Variants in ATL2 observed in about 807,000 individuals in gnomAD.
ATL2 encodes atlastin GTPase 2.
ATL2 carries 31 observed loss-of-function variants against 73.9 expected under a neutral mutation model. The ratio of observed to expected loss-of-function variants is 0.42; its 90% CI spans 0.32 to 0.57. The LOEUF (loss-of-function observed/expected upper bound fraction) is 0.57, where lower values mean the gene tolerates loss of function less well. Ranked by LOEUF, ATL2 falls within the 20% of genes least tolerant of loss-of-function variation. The probability of loss-of-function intolerance (pLI) is 0.14; values close to 1 mark genes in which losing one functional copy is unlikely to be tolerated. For missense variants in ATL2, 738 were observed against 702.6 expected (o/e 1.05, Z -0.57); for synonymous variants, 291 against 237.5 (o/e 1.23, Z -2.07).
chr2:38,373,716 G>A (rs1025313582), intron 1 of ATL2, among the ~76,000 whole-genome samples: 4 of 152,128 alleles, frequency 2.6e-5, no homozygotes, highest in Non-Finnish European at 5.9e-5. Flanking sequence ...CCATAACTTG[G>A]AAAATCATCT....
intron 8 of ATL2, 34 bp from the exon 9 acceptor site, chr2:38,309,540 C>CA (rs751538561): frequency 6.9e-6 from 11 of 1,583,950 alleles, no homozygotes; most frequent in East Asian, 2.3e-5. Context: ...CATATTAGTC[C>CA]AAAAAAAATT....
chr2:38,347,716 G>C (rs1346727443), intron 1 of ATL2, among the ~76,000 whole-genome samples: 1 of 150,448 alleles, frequency 6.6e-6, no homozygotes, highest in East Asian at 2.0e-4. Context: ...AATATTTCCT[G>C]AATGAATGAA....
At chr2:38,325,292 C>T (rs1002240146) in intron 2 of ATL2, among the ~76,000 whole-genome samples, 1 of 152,092 alleles carries the variant, frequency 6.6e-6, no homozygotes, top group Admixed American at 6.6e-5. Context: ...ACAGGTCAAA[C>T]CATCCCTGCA....
intron 1 of ATL2, chr2:38,376,321 C>A (rs891680718): frequency 1.6e-6 from 2 of 1,214,286 alleles, no homozygotes; most frequent in Non-Finnish European, 2.2e-6. Flanking sequence ...GGGGCAGGGG[C>A]GCTCCTGGTA....
chr2:38,366,644 A>G (rs1174517474), intron 1 of ATL2, among the ~76,000 whole-genome samples: 1 of 152,202 alleles, frequency 6.6e-6, no homozygotes, highest in Non-Finnish European at 1.5e-5. Flanking sequence ...GCACACGGCA[A>G]TTTCTACTTC....
In ATL2 at chr2:38,295,922, T is replaced by C; in HGVS notation, c.*72A>G. On this transcript the variant is annotated 3_prime_UTR_variant, in exon 13 of 13. Transcript: ENST00000378954. ...ACAGTTGATTGTAAACTTTGGTTTATTTTTATTTGAGTTCTCATTGTACAG... is the reference window on the plus strand; with the variant it reads ...ACAGTTGATTGTAAACTTTGGTTTACTTTTATTTGAGTTCTCATTGTACAG... 6 of 1,316,956 alleles carry C rather than the reference T, an allele frequency of 4.6e-6. No homozygotes were observed. The South Asian group carries it at 8.3e-5, about 18-fold the overall frequency. The allele number at this position is 1,316,956 out of a possible 1,614,324, so 81.6% of individuals were successfully genotyped here.
rs149953632 is a variant in ATL2 at position 38,336,450 on chromosome 2, T to A, written c.363+6818A>T. On this transcript the variant is annotated intron_variant, in intron 2 of 12. Transcript: ENST00000378954. The stretch of plus-strand genomic sequence containing the variant: ...AATACAGCAAGGATCCTTTATTTAT[T>A]GAGCTTAGATACCAGTGCATAGCAA... 9.1e-3 allele frequency among the ~76,000 whole-genome samples: 1,386 copies of A among 152,336 alleles called. 14 individuals carry two copies. Among genetic ancestry groups the A allele is most frequent in the Non-Finnish European group, 0.014 (935 of 68,018 alleles).
chr2:38,317,460 C>T (rs1053501653), intron 4 of ATL2, among the ~76,000 whole-genome samples: 2 of 151,952 alleles, frequency 1.3e-5, no homozygotes, highest in African/African-American at 4.8e-5. Flanking sequence ...AAACTAGAAC[C>T]GGATAGAACA....
At position 38,335,671 on chromosome 2, in the gene ATL2, T is replaced by C. The variant is rs939512161; in HGVS notation, c.363+7597A>G. On this transcript the variant is annotated intron_variant, in intron 2 of 12. Coordinates refer to ENST00000378954, the MANE Select transcript of ATL2 (RefSeq NM_001135673.4). ...TTGTTCTGAGAGACAGTGGTTACTA[T>C]AACATATATATATATAAAAATGCAC... Among the ~76,000 whole-genome samples, 6 of 145,914 alleles carry C rather than the reference T, an allele frequency of 4.1e-5. No homozygotes were observed. In the South Asian group the frequency reaches 1.2e-3, roughly 30 times the overall value.
At chr2:38,341,666 C>A (rs11679270) in intron 2 of ATL2, among the ~76,000 whole-genome samples, 66,129 of 151,950 alleles carry the variant, frequency 0.44, 17,194 homozygotes, top group African/African-American at 0.74. Flanking sequence ...ATCAATGAGA[C>A]AAACTTTAAA....
At chr2:38,345,918 T>C (rs897605723) in intron 1 of ATL2, among the ~76,000 whole-genome samples, 2 of 152,224 alleles carry the variant, frequency 1.3e-5, no homozygotes, top group East Asian at 1.9e-4. Flanking sequence ...CAGGATTCAA[T>C]GAGTTGAAAT....
chr2:38,329,406 G>C (rs1429877259), intron 2 of ATL2, among the ~76,000 whole-genome samples: 3 of 83,022 alleles, frequency 3.6e-5, no homozygotes, highest in Non-Finnish European at 6.5e-5. Flanking sequence ...CTAGGAGACA[G>C]AGCAAGACTC....
intron 1 of ATL2, among the ~76,000 whole-genome samples, chr2:38,362,791 A>T (rs988326276): frequency 6.6e-6 from 1 of 152,236 alleles, no homozygotes; most frequent in Non-Finnish European, 1.5e-5. Flanking sequence ...GTGTGATGTC[A>T]GCTAGTGTTA....
At chr2:38,377,534 TGTCCCTGCCGCCGCC>T (rs1189656571), upstream of ATL2, among the ~76,000 whole-genome samples, 1 of 145,152 alleles carries the variant, frequency 6.9e-6, no homozygotes, top group Non-Finnish European at 1.5e-5. Context: ...GGGGCGGGGG[TGTCCCTGCCGCCGCC>T]GTCTCACACC....
chr2:38,352,752 C>A (rs967310317), intron 1 of ATL2, among the ~76,000 whole-genome samples: 2 of 152,174 alleles, frequency 1.3e-5, no homozygotes, highest in Non-Finnish European at 2.9e-5. Flanking sequence ...ACACTAGAAT[C>A]GACATATCTT....
intron 2 of ATL2, among the ~76,000 whole-genome samples, chr2:38,339,313 T>C (rs1385743138): frequency 1.3e-5 from 2 of 152,148 alleles, no homozygotes; most frequent in Admixed American, 1.3e-4. Context: ...AATCGTATTC[T>C]GTATTAGAGA....
intron 2 of ATL2, among the ~76,000 whole-genome samples, chr2:38,338,888 T>C (rs6544159): frequency 0.057 from 8,743 of 152,216 alleles, 841 homozygotes; most frequent in African/African-American, 0.2. Context: ...CAAACTTAAA[T>C]TGAGGAACGT....
intron 2 of ATL2, among the ~76,000 whole-genome samples, chr2:38,328,944 A>G (rs919636859): frequency 1.3e-5 from 2 of 151,988 alleles, no homozygotes; most frequent in African/African-American, 2.4e-5. Context: ...GAGAAAAAAG[A>G]TAAGACAAAC....
intron 2 of ATL2, among the ~76,000 whole-genome samples, chr2:38,335,908 C>T (rs1040520711): frequency 6.6e-6 from 1 of 152,028 alleles, no homozygotes; most frequent in Non-Finnish European, 1.5e-5. Flanking sequence ...GGCATGGTGG[C>T]GGGAGGTACT....
Sources: gnomAD v4.1 joint callset for allele counts (sites outside exome capture counted in the v4.1 genomes callset) on GRCh38, gnomAD v4.1.1 for gene constraint, MANE v1.5 for transcripts, NCBI Gene and HGNC (gene_info 2026-07-23, HGNC 2026-07-21) for gene names.